The following ADAMTS10 variants were observed in gnomAD, a reference collection of about 807,000 sequenced individuals.
ADAMTS10 encodes ADAM metallopeptidase with thrombospondin type 1 motif 10.
In ADAMTS10, 48 loss-of-function variants were observed where a neutral mutation model predicts 135.9. The ratio of observed to expected loss-of-function variants is 0.35; its 90% CI spans 0.28 to 0.45. ADAMTS10 has a LOEUF of 0.45. ADAMTS10 is among the 20% of genes least tolerant of loss of function. The probability of loss-of-function intolerance (pLI) is 1.00; values close to 1 mark genes in which losing one functional copy is unlikely to be tolerated. For missense variants in ADAMTS10, 1,131 were observed against 1,565.2 expected (o/e 0.72, Z 4.68); for synonymous variants, 621 against 647.5 (o/e 0.96, Z 0.62).
In ADAMTS10 at chr19:8,605,761, C is replaced by G; in HGVS notation, c.-51G>C. ...CCCCAGCCCCGGCTGCCGGCAGCCC[C>G]CACAGTGCCGCCTCCCCTGTTCACA... is the stretch of plus-strand genomic sequence containing the variant. On this transcript the variant is annotated 5_prime_UTR_variant, in exon 3 of 26. Transcript: ENST00000597188. The surrounding 1 kb of genome is among the most constrained non-coding windows in gnomAD (Gnocchi z 7.7). The G allele has an allele frequency of 1.9e-6, 3 of 1,557,572 alleles. No individual in the cohort carries two copies. In the South Asian group the frequency reaches 3.5e-5, roughly 18 times the overall value.
chr19:8,598,668 G>A (rs889297529), intron 6 of ADAMTS10, among the ~76,000 whole-genome samples: 3 of 145,186 alleles, frequency 2.1e-5, no homozygotes, highest in Non-Finnish European at 1.5e-5. Context: ...TCCACCTCCC[G>A]GGTTCAAGCG....
chr19:8,597,954 C>G lies in ADAMTS10; in HGVS notation c.811-637G>C, dbSNP rs192478230. Among the ~76,000 whole-genome samples the G allele has an allele frequency of 2.0e-3, 304 of 152,186 alleles. 1 individual carries two copies. Among genetic ancestry groups the G allele is most frequent in the African/African-American group, 6.8e-3 (282 of 41,530 alleles). On this transcript the variant is annotated intron_variant, in intron 6 of 25. Transcript: ENST00000597188. ...GAGTAGCTGGGATTACAGGCGTGAG[C>G]CACCGTGCCCAGCCATGCCCGCCTA... is the stretch of plus-strand genomic sequence containing the variant.
intron 15 of ADAMTS10, 44 bp from the exon 16 acceptor site, chr19:8,590,035 G>A (rs1555738550): frequency 2.8e-6 from 4 of 1,407,098 alleles, no homozygotes; most frequent in Non-Finnish European, 4.0e-6. Context: ...AGGCTTGGGG[G>A]GATGGAGTCA....
intron 6 of ADAMTS10, 129 bp from the exon 7 acceptor site, chr19:8,597,446 G>A: frequency 2.4e-6 from 2 of 818,566 alleles, no homozygotes; most frequent in South Asian, 1.5e-5. Flanking sequence ...GGCTAAACCT[G>A]CTATTAGGGT....
chr19:8,609,210 T>TACAGC (rs1555743107), intron 1 of ADAMTS10, among the ~76,000 whole-genome samples: 12 of 138,432 alleles, frequency 8.7e-5, no homozygotes, highest in African/African-American at 3.2e-4. Flanking sequence ...GCATGTGCAT[T>TACAGC]ATGGCTTGTG....
Position 8,586,830 on chromosome 19 carries a change from G to A in ADAMTS10, c.2225C>T (p.Ser742Phe). 6.2e-7 allele frequency: 1 copy of A among 1,614,142 alleles called. No homozygotes were observed. The highest frequency in any genetic ancestry group is 8.5e-7 in the Non-Finnish European group (1 of 1,180,028). Residue 742 changes from serine to phenylalanine, a missense_variant, in exon 19 of 26, where the codon TCT (serine) becomes TTT (phenylalanine). Physicochemically the swap from Ser to Phe is radical, Grantham distance 155. This residue lies in a region of ADAMTS10 where 745 missense variants were observed against 1,056.3 expected (regional missense o/e 0.71). Transcript: ENST00000597188. ...VHIFIQDLNL[S>F]LSHLALKGDQ... ...CATCTGCTCACCCAAGTGACTGAGAGAGAGGTTCAGATCCTGGATGAAGAT... is the reference window on the plus strand; with the variant it reads ...CATCTGCTCACCCAAGTGACTGAGAAAGAGGTTCAGATCCTGGATGAAGAT...
chr19:8,596,546 T>C lies in ADAMTS10; in HGVS notation c.1080A>G (p.Thr360=). 1.2e-6 allele frequency: 2 copies of C among 1,613,940 alleles called. No homozygotes were observed. Among genetic ancestry groups the C allele is most frequent in the Non-Finnish European group, 1.7e-6 (2 of 1,179,998 alleles). The change falls in exon 9 of 26, where the codon ACA becomes ACG. Residue 360 remains threonine (T), a synonymous_variant. Coordinates refer to ENST00000597188, the MANE Select transcript of ADAMTS10 (RefSeq NM_030957.4). This position sits in a 1 kb window ranked among gnomAD's most constrained non-coding sequence, Gnocchi z 7.2. ...ICIYKNKPCG[T]LGLAPVGGMC... Reference sequence around the variant, plus strand: ...AAACCTACGGGGCTCGGGTACCTAGTGTGCCGCAGGGTTTGTTCTTGTAGA... The same window carrying C: ...AAACCTACGGGGCTCGGGTACCTAGCGTGCCGCAGGGTTTGTTCTTGTAGA...
chr19:8,600,491 C>CT (rs2042651466), intron 6 of ADAMTS10, among the ~76,000 whole-genome samples: 1 of 140,388 alleles, frequency 7.1e-6, no homozygotes, highest in Non-Finnish European at 1.5e-5. Context: ...CTTTTCTTTT[C>CT]TTTCTTTTCT....
At chr19:8,592,388 G>C (rs782199720) in intron 13 of ADAMTS10, among the ~76,000 whole-genome samples, 6 of 151,504 alleles carry the variant, frequency 4.0e-5, no homozygotes, top group Non-Finnish European at 8.8e-5. Context: ...CTTCAGGCTG[G>C]GGAGGGGAGG....
chr19:8,589,885 T>C lies in ADAMTS10; in HGVS notation c.1900+4A>G. ...CCCCACAGCCTTTGGAGTCCCACAC[T>C]CACCTCCCCGGTACGTTTTCCACTT... On this transcript the variant is annotated splice_donor_region_variant and intron_variant, in intron 16 of 25. Transcript: ENST00000597188. 6.2e-7 allele frequency: 1 copy of C among 1,613,076 alleles called. No individual in the cohort carries two copies. Among genetic ancestry groups the C allele is most frequent in the Non-Finnish European group, 8.5e-7 (1 of 1,179,192 alleles).
chr19:8,593,846 G>A (rs1334435716), intron 12 of ADAMTS10, among the ~76,000 whole-genome samples: 3 of 152,092 alleles, frequency 2.0e-5, no homozygotes, highest in Non-Finnish European at 2.9e-5. Context: ...TGTAATCCCC[G>A]CTTTGAACCC....
At position 8,597,140 on chromosome 19, in the gene ADAMTS10, T is replaced by A. The variant is rs1233442900; in HGVS notation, c.895-8A>T. 1 of 1,613,890 alleles carries A rather than the reference T, an allele frequency of 6.2e-7. No individual in the cohort carries two copies. Among genetic ancestry groups the A allele is most frequent in the South Asian group, 1.1e-5 (1 of 91,076 alleles). On this transcript the variant is annotated splice_polypyrimidine_tract_variant and splice_region_variant and intron_variant, in intron 7 of 25. Coordinates refer to ENST00000597188, the MANE Select transcript of ADAMTS10 (RefSeq NM_030957.4). The stretch of plus-strand genomic sequence containing the variant: ...GGTGATCTCCAGAGTGGGCTGGGGA[T>A]GGACAGAGGGAAATGCATGGGCACC...
chr19:8,600,913 G>A lies in ADAMTS10; in HGVS notation c.810+15C>T. 1 of 1,613,938 alleles carries A rather than the reference G, an allele frequency of 6.2e-7. No homozygotes were observed. The highest frequency in any genetic ancestry group is 8.5e-7 in the Non-Finnish European group (1 of 1,179,994). On this transcript the variant is annotated intron_variant, in intron 6 of 25. Transcript: ENST00000597188. Reference sequence around the variant, plus strand: ...GTCCTCAGGGCTGCGTGCCCAGGGAGGGGAAGGCACTTACAATGTTCATGA... The same window carrying A: ...GTCCTCAGGGCTGCGTGCCCAGGGAAGGGAAGGCACTTACAATGTTCATGA...
In ADAMTS10 at chr19:8,603,813, C is replaced by T. The variant is rs1555741949; in HGVS notation, c.507G>A (p.Arg169=). The T allele has an allele frequency of 6.2e-7, 1 of 1,614,060 alleles. No homozygotes were observed. The highest frequency in any genetic ancestry group is 8.5e-7 in the Non-Finnish European group (1 of 1,180,018). ...EPLHGGPKGS[R]SPEESGPHVV... Reference sequence around the variant, plus strand: ...CATGTGGTCCACTTTCCTCCGGGCTCCGAGAACCCTTGGGCCCACCGTGCA... The same window carrying T: ...CATGTGGTCCACTTTCCTCCGGGCTTCGAGAACCCTTGGGCCCACCGTGCA... The change falls in exon 5 of 26, where the codon CGG becomes CGA. Residue 169 remains arginine (R), a synonymous_variant. Transcript: ENST00000597188.
intron 4 of ADAMTS10, among the ~76,000 whole-genome samples, chr19:8,604,475 TA>T (rs1175448096): frequency 6.8e-6 from 1 of 147,710 alleles, no homozygotes; most frequent in Non-Finnish European, 1.5e-5. Context: ...TTTATAAATA[TA>T]AAAAATATAT....
rs1555740062 is a variant in ADAMTS10, at chr19:8,596,028, C to T, written c.1337+45G>A. 1.2e-6 allele frequency: 2 copies of T among 1,613,996 alleles called. No individual in the cohort carries two copies. Among genetic ancestry groups the T allele is most frequent in the Middle Eastern group, 1.7e-4 (1 of 6,056 alleles). ...ATCGTCTCCCGTGTACCCTGCCCCA[C>T]CATGAGTGTGACCCGCTCTGAGGGA... On this transcript the variant is annotated intron_variant, in intron 11 of 25. Coordinates refer to ENST00000597188, the MANE Select transcript of ADAMTS10 (RefSeq NM_030957.4). This position sits in a 1 kb window ranked among gnomAD's most constrained non-coding sequence, Gnocchi z 7.2.
rs547965425 is a variant in ADAMTS10 at position 8,585,111 on chromosome 19, C to T, written c.3042+21G>A. 81 of 1,460,802 alleles carry T rather than the reference C, an allele frequency of 5.5e-5. No individual in the cohort carries two copies. The South Asian group carries it at 9.6e-4, about 17-fold the overall frequency. 90.5% of individuals were successfully genotyped at this position (1,460,802 alleles called of 1,614,324 possible). ...GCAGCCCCTGCCCTGGCCCCCACCC[C>T]TCTGGGGCGCGCCCTCCTACCTCAC... On this transcript the variant is annotated intron_variant, in intron 24 of 25. Transcript: ENST00000597188.
intron 6 of ADAMTS10, among the ~76,000 whole-genome samples, chr19:8,598,185 G>C (rs1010345934): frequency 6.6e-6 from 1 of 152,230 alleles, no homozygotes; most frequent in East Asian, 1.9e-4. Flanking sequence ...TGCAAACAGA[G>C]GTTAGGACAC....
At chr19:8,591,109 C>T (rs960808045) in intron 15 of ADAMTS10, among the ~76,000 whole-genome samples, 7 of 152,098 alleles carry the variant, frequency 4.6e-5, no homozygotes, top group African/African-American at 7.2e-5. Context: ...AGGACAGACA[C>T]CTGTCACTGG....
Sources: gnomAD v4.1 joint callset for allele counts (sites outside exome capture counted in the v4.1 genomes callset) on GRCh38, gnomAD v4.1.1 for gene constraint, gnomAD v4.1.1 regional missense constraint, Gnocchi (gnomAD v3.1) non-coding constraint, MANE v1.5 for transcripts, NCBI Gene and HGNC (gene_info 2026-07-23, HGNC 2026-07-21) for gene names.